Variants in SSR1 observed in about 807,000 individuals in gnomAD.
SSR1 encodes the protein signal sequence receptor subunit 1.
Under a neutral mutation model 36.1 loss-of-function variants are expected in SSR1, and 13 were observed. The observed-to-expected ratio is 0.36, with a 90% CI of 0.23 to 0.57. The LOEUF (loss-of-function observed/expected upper bound fraction) is 0.57. Among genes scored for constraint, SSR1 ranks in the 20% least tolerant of loss-of-function variants. The pLI is 0.81. For missense variants in SSR1, 291 were observed against 338.5 expected, an observed-to-expected ratio of 0.86 and a Z score of 1.10; for synonymous variants, 113 against 118.9, an observed-to-expected ratio of 0.95 and a Z score of 0.32.
Position 7,286,432 on chromosome 6 carries a change from A to G in SSR1, c.*3432T>C, listed in dbSNP as rs1256927506. On this transcript the variant is annotated 3_prime_UTR_variant, in exon 8 of 8. Transcript: ENST00000244763. ...GTTCTTCCTCCTCAAATATCCTCTA[A>G]GGATGAGCTTATAGACAGATTAACT... 3 of 152,246 alleles carry G rather than the reference A, an allele frequency of 2.0e-5. No individual in the cohort carries two copies. Among genetic ancestry groups the G allele is most frequent in the Non-Finnish European group, 2.9e-5 (2 of 68,034 alleles). The allele number at this position is 152,246 out of a possible 1,614,324, so 9.4% of individuals were successfully genotyped here.
intron 7 of SSR1, among the ~76,000 whole-genome samples, chr6:7,294,554 G>A (rs2113278509): frequency 6.6e-6 from 1 of 152,254 alleles, no homozygotes; most frequent in East Asian, 1.9e-4. Flanking sequence ...AGCCGGGCGT[G>A]GTGGCACGTG....
intron 2 of SSR1, 130 bp from the exon 3 acceptor site, chr6:7,303,767 C>T: frequency 1.6e-6 from 1 of 613,072 alleles, no homozygotes; most frequent in Non-Finnish European, 2.8e-6. Flanking sequence ...AGGCAGATCA[C>T]CTGAAGTCAG....
rs1757622745 is a variant in SSR1, at chr6:7,289,240, G to T, written c.*624C>A. The T allele has an allele frequency of 6.6e-6, 1 of 152,202 alleles. No homozygotes were observed. Among genetic ancestry groups the T allele is most frequent in the Admixed American group, 6.5e-5 (1 of 15,280 alleles). 9.4% of individuals were successfully genotyped at this position (152,202 alleles called of 1,614,324 possible). On this transcript the variant is annotated 3_prime_UTR_variant, in exon 8 of 8. Coordinates refer to ENST00000244763, the MANE Select transcript of SSR1 (RefSeq NM_003144.5). ...GCAGAAATTTCATGTTTCACAATTT[G>T]TTGCCAGAGAGATCCCCAAATTCCT...
chr6:7,297,822 C>A, intron 6 of SSR1, 101 bp downstream of exon 6: 1 of 810,158 alleles, frequency 1.2e-6, no homozygotes, highest in Non-Finnish European at 2.0e-6. Context: ...TCTACGTATA[C>A]AAACCCACAG....
chr6:7,306,967 G>A (rs1178744372), intron 2 of SSR1, among the ~76,000 whole-genome samples: 15 of 126,086 alleles, frequency 1.2e-4, no homozygotes, highest in African/African-American at 4.2e-4. Context: ...AAAAAAAAAA[G>A]GTTTGTCCTC....
rs753501167 is a variant in SSR1 at position 7,309,933 on chromosome 6, T to A, written c.176A>T (p.Asp59Val). Residue 59 changes from aspartate (D) to valine (V), a missense_variant, in exon 2 of 8, where the codon GAT (aspartate) becomes GTT (valine). Transcript: ENST00000244763. ...DEDDEAEVEE[D>V]EPTDLVEDKE... ...AACACTAACCAAATCTGTGGGTTCA[T>A]CTTCTTCTACCTCGGCTTCATCATC... is the stretch of plus-strand genomic sequence containing the variant. 9.3e-6 allele frequency: 15 copies of A among 1,613,358 alleles called. No homozygotes were observed. The Admixed American group carries it at 2.5e-4, about 27-fold the overall frequency.
rs745983463 is a variant in SSR1, at chr6:7,310,009, C to G, written c.100G>C (p.Asp34His). The stretch of plus-strand genomic sequence containing the variant: ...ACTGTTTCTTCATCCTCTGTAAGAT[C>G]TTGTGCCACTGCTAACAAGCCTAAT... ...GPRGLLAVAQ[D>H]LTEDEETVED... The change falls in exon 2 of 8, where the codon GAT becomes CAT. Residue 34 changes from aspartate to histidine, a missense_variant. Coordinates refer to ENST00000244763, the MANE Select transcript of SSR1 (RefSeq NM_003144.5). 6.2e-7 allele frequency: 1 copy of G among 1,613,292 alleles called. No homozygotes were observed.
chr6:7,294,143 C>T lies in SSR1; in HGVS notation c.793+1249G>A, dbSNP rs567012118. Among the ~76,000 whole-genome samples, 15 of 151,920 alleles carry T rather than the reference C, an allele frequency of 9.9e-5. No individual in the cohort carries two copies. The East Asian group carries it at 2.9e-3, about 29-fold the overall frequency. ...TGTAGGAGTGAAAAAATAAAAGTAA[C>T]CAATATCCTTCCAATACAGAACAGG... On this transcript the variant is annotated intron_variant, in intron 7 of 7. Transcript: ENST00000244763.
In SSR1 at chr6:7,289,622, A is replaced by G; in HGVS notation, c.*242T>C. 1.0e-5 allele frequency: 5 copies of G among 491,020 alleles called. No individual in the cohort carries two copies. Among genetic ancestry groups the G allele is most frequent in the South Asian group, 6.3e-5 (2 of 31,992 alleles). 30.4% of individuals were successfully genotyped at this position (491,020 alleles called of 1,614,324 possible). ...ATGATTCTGGTAAGACCAACTGCTCACATACATACACACGCACACACATAG... is the reference window on the plus strand; with the variant it reads ...ATGATTCTGGTAAGACCAACTGCTCGCATACATACACACGCACACACATAG... On this transcript the variant is annotated 3_prime_UTR_variant, in exon 8 of 8. Transcript: ENST00000244763.
chr6:7,301,723 A>C, intron 3 of SSR1, 151 bp from the exon 4 acceptor site: 1 of 804,314 alleles, frequency 1.2e-6, no homozygotes, highest in East Asian at 2.7e-5. Context: ...CCTACTAACG[A>C]GAAATTGGTT....
At chr6:7,292,108 G>A (rs533275850) in intron 7 of SSR1, among the ~76,000 whole-genome samples, 247 of 152,202 alleles carry the variant, frequency 1.6e-3, no homozygotes, top group African/African-American at 5.8e-3. Flanking sequence ...CATGACTTGA[G>A]CTACCACTGA....
Position 7,313,074 on chromosome 6 carries a change from G to A in SSR1, c.47C>T (p.Pro16Leu). 6.2e-7 allele frequency: 1 copy of A among 1,608,836 alleles called. No homozygotes were observed. Among genetic ancestry groups the A allele is most frequent in the Non-Finnish European group, 8.5e-7 (1 of 1,177,570 alleles). ...RLLLLLLLVF[P>L]ATVLFRGGPR... ...GCCGCCTCGGAACAAGACAGTGGCA[G>A]GGAACACGAGTAAGAGAAGCAGCAG... The change falls in exon 1 of 8, where the codon CCT (proline) becomes CTT (leucine). Residue 16 changes from proline to leucine, a missense_variant. Pro to Leu is a moderately conservative substitution (Grantham distance 98). Coordinates refer to ENST00000244763, the MANE Select transcript of SSR1 (RefSeq NM_003144.5).
rs1214063246 is a variant in SSR1, at chr6:7,301,581, C to T, written c.281-9G>A. 21 of 1,596,516 alleles carry T rather than the reference C, an allele frequency of 1.3e-5. No homozygotes were observed. Among genetic ancestry groups the T allele is most frequent in the Non-Finnish European group, 1.8e-5 (21 of 1,175,148 alleles). Reference sequence around the variant, plus strand: ...GTTATTTGCTGGAAAATCTGAGAAACAAAATAGAGACAAAAAAATTAGAAC... The same window carrying T: ...GTTATTTGCTGGAAAATCTGAGAAATAAAATAGAGACAAAAAAATTAGAAC... On this transcript the variant is annotated splice_polypyrimidine_tract_variant and intron_variant, in intron 3 of 7. Transcript: ENST00000244763.
intron 1 of SSR1, among the ~76,000 whole-genome samples, chr6:7,311,113 G>A (rs1408679907): frequency 3.9e-5 from 6 of 152,092 alleles, no homozygotes; most frequent in Non-Finnish European, 7.4e-5. Flanking sequence ...GGTAGCTTCA[G>A]GTTTGATAGC....
At chr6:7,310,390 G>A (rs1758164100) in intron 1 of SSR1, among the ~76,000 whole-genome samples, 1 of 151,970 alleles carries the variant, frequency 6.6e-6, no homozygotes, top group African/African-American at 2.4e-5. Context: ...ACTGTTCCCT[G>A]CCTTCCATGT....
intron 5 of SSR1, 140 bp downstream of exon 5, chr6:7,298,607 G>T: frequency 4.9e-6 from 3 of 607,392 alleles, no homozygotes. Context: ...TCTGAAGTAT[G>T]AATGAATATC....
At position 7,296,166 on chromosome 6, in the gene SSR1, T is replaced by G. The variant is rs570058232; in HGVS notation, c.700-681A>C. Among the ~76,000 whole-genome samples the G allele has an allele frequency of 1.1e-3, 168 of 152,150 alleles. 1 individual carries two copies. Among genetic ancestry groups the G allele is most frequent in the African/African-American group, 4.0e-3 (165 of 41,508 alleles). On this transcript the variant is annotated intron_variant, in intron 6 of 7. Coordinates refer to ENST00000244763, the MANE Select transcript of SSR1 (RefSeq NM_003144.5). ...CTCCCTAGAGTATTTACAGCAAAAC[T>G]GCTAGAAAGTAAAAATGACTCATTT...
At chr6:7,290,408 CATAT>C (rs1409820772) in intron 7 of SSR1, among the ~76,000 whole-genome samples, 15 of 69,284 alleles carry the variant, frequency 2.2e-4, no homozygotes, top group African/African-American at 5.3e-4. Context: ...CTGTATCTCC[CATAT>C]GTTTGTTAGA....
chr6:7,313,021 C>T (rs1179244038), intron 1 of SSR1, 21 bp downstream of exon 1: 2 of 1,585,126 alleles, frequency 1.3e-6, no homozygotes, highest in Non-Finnish European at 1.7e-6. Flanking sequence ...CCATCCCCTC[C>T]GCACACTCCC....
Sources: gnomAD v4.1 joint callset for allele counts (sites outside exome capture counted in the v4.1 genomes callset) on GRCh38, gnomAD v4.1.1 for gene constraint, MANE v1.5 for transcripts, NCBI Gene and HGNC (gene_info 2026-07-23, HGNC 2026-07-21) for gene names.